Variants in ENPP6 observed in about 807,000 individuals in gnomAD.
ENPP6 encodes the protein glycerophosphocholine cholinephosphodiesterase ENPP6.
ENPP6 carries 32 observed loss-of-function variants against 42.0 expected under a neutral mutation model. The observed-to-expected ratio is 0.76, with a 90% CI of 0.58 to 1.02. ENPP6 has a LOEUF of 1.02. ENPP6 is among the 50% of genes least tolerant of loss of function. ENPP6 has a pLI of 0.00. For missense variants in ENPP6, 552 were observed against 566.8 expected (o/e 0.97, Z 0.27); for synonymous variants, 213 against 216.0 (o/e 0.99, Z 0.12).
intron 2 of ENPP6, among the ~76,000 whole-genome samples, chr4:184,127,408 A>G (rs138770935): frequency 6.6e-6 from 1 of 152,328 alleles, no homozygotes; most frequent in East Asian, 1.9e-4. Flanking sequence ...AAAAACAGTT[A>G]AGACAAGTAA....
At chr4:184,105,877 T>A (rs567876435) in intron 6 of ENPP6, among the ~76,000 whole-genome samples, 1 of 152,298 alleles carries the variant, frequency 6.6e-6, no homozygotes, top group African/African-American at 2.4e-5. Context: ...GTTTAGTGGG[T>A]CAGTGTAAGG....
In ENPP6 at chr4:184,122,404, A is replaced by ACACCACCACCACCACCAC. The variant is rs57184304; in HGVS notation, c.533+1739_533+1756dup. Among the ~76,000 whole-genome samples, 32 of 140,886 alleles carry ACACCACCACCACCACCAC rather than the reference A, an allele frequency of 2.3e-4. No homozygotes were observed. The South Asian group carries it at 5.5e-3, about 24-fold the overall frequency. 92.4% of individuals were successfully genotyped at this position (140,886 alleles called of 152,430 possible). ...ATACCTATGGTAGACACACACTCAT[A>ACACCACCACCACCACCAC]CACCACCACCACCACCACCACCACC... On this transcript the variant is annotated intron_variant, in intron 3 of 7. Transcript: ENST00000296741.
intron 1 of ENPP6, among the ~76,000 whole-genome samples, chr4:184,196,365 G>A (rs914370041): frequency 6.6e-6 from 1 of 152,218 alleles, no homozygotes; most frequent in African/African-American, 2.4e-5. Flanking sequence ...CAGGACAGAG[G>A]CCATGTCCTG....
At chr4:184,119,995 C>T (rs773117855) in intron 3 of ENPP6, among the ~76,000 whole-genome samples, 4 of 152,078 alleles carry the variant, frequency 2.6e-5, no homozygotes, top group South Asian at 2.1e-4. Flanking sequence ...AGCAAGAGAA[C>T]GAACTGATAC....
At chr4:184,103,321 A>G (rs1287576442) in intron 6 of ENPP6, among the ~76,000 whole-genome samples, 1 of 152,208 alleles carries the variant, frequency 6.6e-6, no homozygotes, top group Non-Finnish European at 1.5e-5. Flanking sequence ...TTCTCCCTTG[A>G]GGCATCACAA....
chr4:184,112,040 T>C (rs1470985670), intron 6 of ENPP6, among the ~76,000 whole-genome samples: 1 of 152,218 alleles, frequency 6.6e-6, no homozygotes, highest in Non-Finnish European at 1.5e-5. Context: ...TAACCCATGC[T>C]GTCTTCAGGA....
intron 2 of ENPP6, among the ~76,000 whole-genome samples, chr4:184,143,590 C>T (rs559826845): frequency 7.2e-5 from 11 of 152,348 alleles, no homozygotes; most frequent in African/African-American, 2.4e-4. Context: ...TCCCGCTGTG[C>T]GTCCCTTTCC....
In ENPP6 at chr4:184,172,855, C is replaced by T. The variant is rs546150938; in HGVS notation, c.242-19122G>A. Among the ~76,000 whole-genome samples, 34 of 152,182 alleles carry T rather than the reference C, an allele frequency of 2.2e-4. 2 individuals are homozygous for T. In the East Asian group the frequency reaches 6.0e-3, roughly 27 times the overall value. ...ATACCAGCGAGAGGAAATGTACATT[C>T]GTTCACCGTCTGTGGGAGGAGCAAC... On this transcript the variant is annotated intron_variant, in intron 1 of 7. Coordinates refer to ENST00000296741, the MANE Select transcript of ENPP6 (RefSeq NM_153343.4).
At chr4:184,139,448 T>G (rs1736784515) in intron 2 of ENPP6, among the ~76,000 whole-genome samples, 1 of 148,820 alleles carries the variant, frequency 6.7e-6, no homozygotes, top group Admixed American at 6.6e-5. Flanking sequence ...GCTGGTGCGC[T>G]GCACCCACTA....
intron 2 of ENPP6, among the ~76,000 whole-genome samples, chr4:184,131,206 T>TC (rs879502032): frequency 0.051 from 4,998 of 98,774 alleles, 349 homozygotes; most frequent in African/African-American, 0.096. Flanking sequence ...TCTTTCTTCT[T>TC]TCTTTCTTTC....
In ENPP6 at chr4:184,115,238, G is replaced by A. The variant is rs537975773; in HGVS notation, c.855+1618C>T. Among the ~76,000 whole-genome samples the A allele has an allele frequency of 2.4e-4, 37 of 152,292 alleles. No homozygotes were observed. The East Asian group carries it at 5.0e-3, about 21-fold the overall frequency. ...ACCTACTACTGGTACCCTGTGGTTG[G>A]CAACCTCCAGGGGCAGCAGGTCGCC... On this transcript the variant is annotated intron_variant, in intron 5 of 7. Transcript: ENST00000296741.
At chr4:184,164,802 G>A (rs1255696636) in intron 1 of ENPP6, among the ~76,000 whole-genome samples, 1 of 152,142 alleles carries the variant, frequency 6.6e-6, no homozygotes, top group African/African-American at 2.4e-5. Context: ...AGTAACTGAG[G>A]GGCAGAGAAG....
At chr4:184,192,559 A>C (rs2111108667) in intron 1 of ENPP6, among the ~76,000 whole-genome samples, 1 of 152,334 alleles carries the variant, frequency 6.6e-6, no homozygotes, top group Non-Finnish European at 1.5e-5. Flanking sequence ...TAGTTATGAC[A>C]CAAAAAGTAC....
intron 6 of ENPP6, 174 bp downstream of exon 6, chr4:184,112,498 T>A (rs1560981351): frequency 2.5e-6 from 2 of 784,974 alleles, no homozygotes; most frequent in Non-Finnish European, 3.9e-6. Context: ...TACAGTTGTG[T>A]CTACAAAGTT....
chr4:184,130,970 C>T (rs113308654), intron 2 of ENPP6, among the ~76,000 whole-genome samples: 2,227 of 152,162 alleles, frequency 0.015, 57 homozygotes, highest in African/African-American at 0.05. Flanking sequence ...TAGATAATGC[C>T]GACAGAAACA....
chr4:184,154,386 G>C (rs958991583), intron 1 of ENPP6, among the ~76,000 whole-genome samples: 1 of 152,184 alleles, frequency 6.6e-6, no homozygotes, highest in South Asian at 2.1e-4. Context: ...GGACTCTTTT[G>C]AAACATTAGG....
At chr4:184,216,798 G>T (rs572380502) in intron 1 of ENPP6, 7 of 152,344 alleles carry the variant, frequency 4.6e-5, no homozygotes, top group Admixed American at 2.0e-4. Context: ...AGAGGCTCAG[G>T]TTCATGCAGT....
chr4:184,200,842 T>G (rs10004980), intron 1 of ENPP6, among the ~76,000 whole-genome samples: 148,627 of 152,322 alleles, frequency 0.98, 72,625 homozygotes, highest in East Asian at 1. Context: ...TCAGCCTGGG[T>G]TGTTCTGCTG....
chr4:184,210,627 C>A (rs1241593098), intron 1 of ENPP6, among the ~76,000 whole-genome samples: 8 of 143,664 alleles, frequency 5.6e-5, no homozygotes, highest in African/African-American at 1.6e-4. Context: ...GACTCCCACA[C>A]ATTAATAATG....
Sources: gnomAD v4.1 joint callset for allele counts (sites outside exome capture counted in the v4.1 genomes callset) on GRCh38, gnomAD v4.1.1 for gene constraint, MANE v1.5 for transcripts, NCBI Gene and HGNC (gene_info 2026-07-23, HGNC 2026-07-21) for gene names.